DISC1: variants seen among roughly 807,000 people sequenced by gnomAD.
The protein encoded by DISC1 is disrupted in schizophrenia 1 protein.
DISC1 carries 57 observed loss-of-function variants against 84.5 expected under a neutral mutation model. The ratio of observed to expected loss-of-function variants is 0.67; its 90% CI spans 0.55 to 0.84. The LOEUF is 0.84. Ranked by LOEUF, DISC1 falls within the 40% of genes least tolerant of loss-of-function variation. The probability of loss-of-function intolerance (pLI) is 0.00; values close to 1 mark genes in which losing one functional copy is unlikely to be tolerated. For missense variants in DISC1, 1,000 were observed against 1,057.8 expected, an observed-to-expected ratio of 0.95 and a Z score of 0.76; for synonymous variants, 411 against 415.2, an observed-to-expected ratio of 0.99 and a Z score of 0.12.
chr1:231,638,782 T>C (rs902756651), intron 1 of DISC1, among the ~76,000 whole-genome samples: 2 of 152,182 alleles, frequency 1.3e-5, no homozygotes, highest in African/African-American at 4.8e-5. Flanking sequence ...TAAAATACCC[T>C]TTTTAAAAGA....
chr1:231,810,708 A>G (rs2080212353), intron 8 of DISC1, among the ~76,000 whole-genome samples: 1 of 152,184 alleles, frequency 6.6e-6, no homozygotes, highest in Admixed American at 6.5e-5. Flanking sequence ...CTAGAAGCGA[A>G]CATCCTGTGT....
intron 9 of DISC1, among the ~76,000 whole-genome samples, chr1:231,936,373 G>T (rs1331362546): frequency 6.6e-6 from 1 of 152,098 alleles, no homozygotes; most frequent in Non-Finnish European, 1.5e-5. Context: ...CTCTAGGCTG[G>T]TCAGTTATAT....
chr1:231,991,146 T>C (rs1053824975), intron 10 of DISC1, among the ~76,000 whole-genome samples: 17 of 152,242 alleles, frequency 1.1e-4, no homozygotes, highest in African/African-American at 4.1e-4. Context: ...ACATAATTAT[T>C]GTCTCTCTAA....
intron 1 of DISC1, among the ~76,000 whole-genome samples, chr1:231,661,630 G>T (rs1558270215): frequency 6.6e-6 from 1 of 152,098 alleles, no homozygotes; most frequent in Non-Finnish European, 1.5e-5. Context: ...GGCTATTCTG[G>T]CTATCAGCTT....
intron 3 of DISC1, among the ~76,000 whole-genome samples, chr1:231,708,319 A>G (rs752318359): frequency 2.6e-5 from 4 of 152,206 alleles, no homozygotes; most frequent in Non-Finnish European, 4.4e-5. Context: ...TCTCTGAGAA[A>G]TGAGACAGAC....
intron 3 of DISC1, among the ~76,000 whole-genome samples, chr1:231,720,307 G>T: frequency 6.6e-6 from 1 of 151,854 alleles, no homozygotes; most frequent in Non-Finnish European, 1.5e-5. Context: ...TTTGCTCTTT[G>T]CTTTTACCAT....
At chr1:231,722,639 A>C (rs982521130) in intron 3 of DISC1, 5 of 1,613,982 alleles carry the variant, frequency 3.1e-6, no homozygotes, top group Non-Finnish European at 4.2e-6. Context: ...AGACAAATAG[A>C]TATCCACACA....
rs1667813638 is a variant in DISC1 at position 232,009,287 on chromosome 1, A to G, written c.2307+238A>G. 1.5e-6 allele frequency: 2 copies of G among 1,311,672 alleles called. No homozygotes were observed. Among genetic ancestry groups the G allele is most frequent in the African/African-American group, 1.5e-5 (1 of 67,170 alleles). 81.3% of individuals were successfully genotyped at this position (1,311,672 alleles called of 1,614,324 possible). A position where few individuals can be genotyped will look rare whatever the true frequency, so the allele number is the denominator to read the frequency against. On this transcript the variant is annotated intron_variant, in intron 11 of 12. Coordinates refer to ENST00000439617, the MANE Select transcript of DISC1 (RefSeq NM_018662.3). The surrounding 1 kb of genome is among the most constrained non-coding windows in gnomAD (Gnocchi z 4.6). ...GCATATTTAGTTCCATTTTCATTCTAATTTAGTGGCTAGAATTAGAATATG... is the reference window on the plus strand; with the variant it reads ...GCATATTTAGTTCCATTTTCATTCTGATTTAGTGGCTAGAATTAGAATATG...
chr1:231,993,664 G>A (rs543671183), intron 10 of DISC1, among the ~76,000 whole-genome samples: 2 of 152,256 alleles, frequency 1.3e-5, no homozygotes, highest in Admixed American at 6.5e-5. Context: ...GACTAGAGGA[G>A]TTGAGGAGTT....
chr1:231,777,984 C>G (rs1229977971), intron 6 of DISC1, among the ~76,000 whole-genome samples: 2 of 152,106 alleles, frequency 1.3e-5, no homozygotes, highest in African/African-American at 4.8e-5. Context: ...TGGGAGAGAC[C>G]AGGCCTTGGA....
At chr1:231,765,272 A>T (rs2076089446) in intron 4 of DISC1, among the ~76,000 whole-genome samples, 1 of 142,772 alleles carries the variant, frequency 7.0e-6, no homozygotes, top group African/African-American at 2.6e-5. Context: ...GAGGTGGGGG[A>T]TCTTGCTATG....
chr1:231,892,065 C>T (rs2087272800), intron 9 of DISC1, among the ~76,000 whole-genome samples: 1 of 152,126 alleles, frequency 6.6e-6, no homozygotes. Flanking sequence ...TCTCCTGCCC[C>T]CCCACCACCT....
At chr1:232,018,191 G>A (rs200972048) in intron 11 of DISC1, among the ~76,000 whole-genome samples, 17 of 152,112 alleles carry the variant, frequency 1.1e-4, no homozygotes, top group Non-Finnish European at 2.2e-4. Context: ...CATCACTCTA[G>A]ATACAGCCTG....
chr1:231,771,970 ATT>A lies in DISC1; in HGVS notation c.1634+914_1634+915del, dbSNP rs34623749. 7.5e-3 allele frequency among the ~76,000 whole-genome samples: 1,090 copies of A among 145,432 alleles called. 3 individuals are homozygous for A. The highest frequency in any genetic ancestry group is 0.016 in the African/African-American group (635 of 39,530). On this transcript the variant is annotated intron_variant, in intron 6 of 12. Coordinates refer to ENST00000439617, the MANE Select transcript of DISC1 (RefSeq NM_018662.3). ...CAGGCTTGAGCCTCCACATCTGGCT[ATT>A]TTTTTTTTTTTTTAAGTTTTTTGCA...
intron 9 of DISC1, among the ~76,000 whole-genome samples, chr1:231,873,343 G>A (rs866648042): frequency 6.6e-6 from 1 of 152,214 alleles, no homozygotes; most frequent in African/African-American, 2.4e-5. Context: ...TTATAGTAGG[G>A]CTGCAGATCA....
At chr1:231,646,901 G>C (rs919618202) in intron 1 of DISC1, among the ~76,000 whole-genome samples, 25 of 152,170 alleles carry the variant, frequency 1.6e-4, no homozygotes, top group African/African-American at 5.5e-4. Flanking sequence ...ACTTTTTGAT[G>C]GGCTTGTTTA....
intron 3 of DISC1, among the ~76,000 whole-genome samples, chr1:231,711,754 G>T (rs2067880922): frequency 6.6e-6 from 1 of 152,134 alleles, no homozygotes; most frequent in African/African-American, 2.4e-5. Flanking sequence ...ACCAGAGGTG[G>T]CAAGAGTGAT....
intron 6 of DISC1, among the ~76,000 whole-genome samples, chr1:231,785,198 G>A (rs951961946): frequency 6.6e-6 from 1 of 151,102 alleles, no homozygotes; most frequent in Non-Finnish European, 1.5e-5. Flanking sequence ...CATTGGCAAG[G>A]TTGTTAATGT....
At chr1:231,682,070 G>C (rs1022441141) in intron 1 of DISC1, among the ~76,000 whole-genome samples, 1 of 152,112 alleles carries the variant, frequency 6.6e-6, no homozygotes, top group Non-Finnish European at 1.5e-5. Context: ...CCCAAAGAGC[G>C]GTGAGATTTG....
Sources: gnomAD v4.1 joint callset for allele counts (sites outside exome capture counted in the v4.1 genomes callset) on GRCh38, gnomAD v4.1.1 for gene constraint, Gnocchi (gnomAD v3.1) non-coding constraint, MANE v1.5 for transcripts, NCBI Gene and HGNC (gene_info 2026-07-23, HGNC 2026-07-21) for gene names.